Variants in STARD8 observed in about 807,000 individuals in gnomAD.
The protein encoded by STARD8 is stAR-related lipid transfer protein 8.
Under a neutral mutation model 69.4 loss-of-function variants are expected in STARD8, and 25 were observed. The observed-to-expected ratio is 0.36, with a 90% CI of 0.26 to 0.50. The LOEUF (loss-of-function observed/expected upper bound fraction) is 0.50. Ranked by LOEUF, STARD8 falls within the 20% of genes least tolerant of loss-of-function variation. The pLI, the probability that STARD8 is intolerant of heterozygous loss-of-function variation, is 0.96. For missense variants in STARD8, 921 were observed against 932.5 expected (o/e 0.99, Z 0.16); for synonymous variants, 389 against 374.6 (o/e 1.04, Z -0.45).
chrX:68,682,967 C>A (rs993930599), intron 2 of STARD8, among the ~76,000 whole-genome samples: 10 of 112,086 alleles, frequency 8.9e-5, no homozygotes, highest in African/African-American at 2.9e-4. Flanking sequence ...AATGCTAGTG[C>A]TGTATCCACC....
chrX:68,681,744 C>T (rs149176883), intron 2 of STARD8, among the ~76,000 whole-genome samples: 2,065 of 111,942 alleles, frequency 0.018, 33 homozygotes, highest in African/African-American at 0.057. Flanking sequence ...GATGCCTCAT[C>T]GGCCCAATGG....
At chrX:68,670,964 T>C (rs1355654641) in intron 2 of STARD8, among the ~76,000 whole-genome samples, 2 of 111,594 alleles carry the variant, frequency 1.8e-5, no homozygotes, top group Non-Finnish European at 3.8e-5. Flanking sequence ...ATCTGGGCCC[T>C]AGCAGCTCTG....
At chrX:68,685,720 C>T (rs2079827495) in intron 2 of STARD8, among the ~76,000 whole-genome samples, 1 of 112,676 alleles carries the variant, frequency 8.9e-6, no homozygotes, top group Non-Finnish European at 1.9e-5. Context: ...TCTTGGGCCT[C>T]AGTTTTCCAT....
In STARD8 at chrX:68,717,849, G is replaced by T. The variant is rs745819071; in HGVS notation, c.935G>T (p.Arg312Leu). ...PGDHKPGTFP[R>L]SLSIESLCPE... ...GACCACAAACCAGGCACATTCCCTC[G>T]CTCCCTGTCCATTGAGAGCCTGTGT... Residue 312 changes from arginine to leucine, a missense_variant, in exon 6 of 15, where the codon CGC becomes CTC. Physicochemically the swap from Arg to Leu is moderately radical, Grantham distance 102. Coordinates refer to ENST00000374599, the MANE Select transcript of STARD8 (RefSeq NM_001142503.3). 6 of 1,210,297 alleles carry T rather than the reference G, an allele frequency of 5.0e-6. No homozygotes were observed. The Admixed American group carries it at 6.5e-5, about 13-fold the overall frequency.
intron 1 of STARD8, among the ~76,000 whole-genome samples, chrX:68,654,112 C>A (rs1441222905): frequency 2.7e-5 from 3 of 111,349 alleles, no homozygotes; most frequent in African/African-American, 9.8e-5. Context: ...CCTTGGAGGT[C>A]ATCTATTCCT....
Position 68,717,985 on chromosome X carries a change from C to T in STARD8, c.1071C>T (p.Asn357=). 1.7e-6 allele frequency: 2 copies of T among 1,210,035 alleles called. No individual in the cohort carries two copies. Among genetic ancestry groups the T allele is most frequent in the Non-Finnish European group, 2.2e-6 (2 of 894,632 alleles). The change falls in exon 6 of 15, where the codon AAC becomes AAT. Residue 357 remains asparagine, a synonymous_variant. Transcript: ENST00000374599. ...GCAGCCATGCCAGCACGTATGACAA[C>T]TTGCCTGAGCTGTACCCAGCTGAGC... ...STGSHASTYD[N]LPELYPAEPV... is the part of the protein sequence containing the mutation.
At chrX:68,713,093 C>T (rs760641167) in intron 3 of STARD8, 108 bp downstream of exon 3, 70 of 804,768 alleles carry the variant, frequency 8.7e-5, no homozygotes, top group Middle Eastern at 2.9e-4. Flanking sequence ...CAAGCAGTGT[C>T]TCCTGGCCCT....
chrX:68,682,666 A>G (rs2079808132), intron 2 of STARD8, among the ~76,000 whole-genome samples: 1 of 112,774 alleles, frequency 8.9e-6, no homozygotes, highest in Non-Finnish European at 1.9e-5. Context: ...TATGAGTTAA[A>G]ATGTGCAAAG....
At position 68,708,820 on chromosome X, in the gene STARD8, T is replaced by C. The variant is rs188471889; in HGVS notation, c.80-4094T>C. On this transcript the variant is annotated intron_variant, in intron 2 of 14. Coordinates refer to ENST00000374599, the MANE Select transcript of STARD8 (RefSeq NM_001142503.3). ...GAATCTGCATATCTGGATACAGAGG[T>C]AGGGCAAGGGGCCACAGACATTCCT... 1.3e-4 allele frequency among the ~76,000 whole-genome samples: 15 copies of C among 112,072 alleles called. 1 individual carries two copies. The Admixed American group carries it at 1.4e-3, about 11-fold the overall frequency.
intron 1 of STARD8, 85 bp from the exon 2 acceptor site, chrX:68,665,414 A>T: frequency 9.5e-7 from 1 of 1,054,090 alleles, no homozygotes; most frequent in Non-Finnish European, 1.3e-6. Flanking sequence ...TAATGGGTAG[A>T]TCGAACTTGC....
rs2080108006 is a variant in STARD8 at position 68,717,889 on chromosome X, C to T, written c.975C>T (p.His325=). The change falls in exon 6 of 15, where the codon CAC becomes CAT. Residue 325 remains histidine (H), a synonymous_variant. Transcript: ENST00000374599. Reference sequence around the variant, plus strand: ...AGAGCCTGTGTCCTGAGGATGGACACCGCCTGGCAGACTGGCAGCCAGGTA... The same window carrying T: ...AGAGCCTGTGTCCTGAGGATGGACATCGCCTGGCAGACTGGCAGCCAGGTA... ...SIESLCPEDG[H]RLADWQPGRR... 3 of 1,207,262 alleles carry T rather than the reference C, an allele frequency of 2.5e-6. No homozygotes were observed. The highest frequency in any genetic ancestry group is 3.6e-5 in the South Asian group (2 of 56,252).
At chrX:68,691,654 C>A (rs1438557838) in intron 2 of STARD8, among the ~76,000 whole-genome samples, 1 of 112,473 alleles carries the variant, frequency 8.9e-6, no homozygotes, top group African/African-American at 3.2e-5. Flanking sequence ...TTTTATTGAA[C>A]ATCTACTCTA....
Position 68,718,334 on chromosome X carries a change from G to A in STARD8, c.1420G>A (p.Ala474Thr). The change falls in exon 6 of 15, where the codon GCT becomes ACT. Residue 474 changes from alanine (A) to threonine (T), a missense_variant. Coordinates refer to ENST00000374599, the MANE Select transcript of STARD8 (RefSeq NM_001142503.3). ...VLAPAQAPAE[A>T]EPVAQEEAEA... ...GGCTCCGGCTCAGGCTCCAGCTGAG[G>A]CTGAACCAGTGGCACAGGAAGAGGC... 2 of 1,209,912 alleles carry A rather than the reference G, an allele frequency of 1.7e-6. No individual in the cohort carries two copies. The highest frequency in any genetic ancestry group is 2.2e-6 in the Non-Finnish European group (2 of 894,535).
At chrX:68,666,549 G>A (rs745787931) in intron 2 of STARD8, among the ~76,000 whole-genome samples, 18 of 112,440 alleles carry the variant, frequency 1.6e-4, no homozygotes, top group Non-Finnish European at 3.4e-4. Flanking sequence ...AATCACGCCA[G>A]GATGCAGAGA....
chrX:68,648,267 T>C (rs2079527146), intron 1 of STARD8, among the ~76,000 whole-genome samples: 1 of 112,079 alleles, frequency 8.9e-6, no homozygotes, highest in Admixed American at 9.4e-5. Flanking sequence ...ACACCAACCT[T>C]ACGGGGTGAT....
At chrX:68,693,226 C>T (rs993716576) in intron 2 of STARD8, among the ~76,000 whole-genome samples, 12 of 112,730 alleles carry the variant, frequency 1.1e-4, no homozygotes, top group Non-Finnish European at 2.1e-4. Context: ...TGCTCAAATT[C>T]CTAATTATCT....
chrX:68,694,720 A>C (rs983773019), intron 2 of STARD8, among the ~76,000 whole-genome samples: 24 of 111,535 alleles, frequency 2.2e-4, no homozygotes, highest in Admixed American at 1.9e-4. Context: ...CCTAACTGGC[A>C]GGTAAAAGGT....
chrX:68,668,312 TTTCC>T lies in STARD8; in HGVS notation c.79+2799_79+2802del, dbSNP rs60590974. On this transcript the variant is annotated intron_variant, in intron 2 of 14. Coordinates refer to ENST00000374599, the MANE Select transcript of STARD8 (RefSeq NM_001142503.3). ...TCTTTCTTTCTTTCTTCTTTTTTTC[TTTCC>T]TTCCTTCCTTCCTTCCTTTTTTTTT... Among the ~76,000 whole-genome samples the T allele has an allele frequency of 1.5e-3, 142 of 96,936 alleles. 1 individual carries two copies. The highest frequency in any genetic ancestry group is 4.9e-3 in the Middle Eastern group (1 of 203). The allele number at this position is 96,936 out of a possible 115,157, so 84.2% of individuals were successfully genotyped here.
At chrX:68,705,697 C>T (rs771438867) in intron 2 of STARD8, among the ~76,000 whole-genome samples, 7 of 112,487 alleles carry the variant, frequency 6.2e-5, no homozygotes, top group Non-Finnish European at 1.3e-4. Flanking sequence ...CTGGAGTCAA[C>T]CTTCCTTTGT....
Sources: gnomAD v4.1 joint callset for allele counts (sites outside exome capture counted in the v4.1 genomes callset) on GRCh38, gnomAD v4.1.1 for gene constraint, MANE v1.5 for transcripts, NCBI Gene and HGNC (gene_info 2026-07-23, HGNC 2026-07-21) for gene names.